Variants in TTI1 observed in about 807,000 individuals in gnomAD.
TTI1 encodes TELO2 interacting protein 1.
In TTI1, 52 loss-of-function variants were observed where a neutral mutation model predicts 85.4. The observed-to-expected ratio is 0.61, with a 90% CI of 0.49 to 0.77. The LOEUF (loss-of-function observed/expected upper bound fraction) is 0.77. Ranked by LOEUF, TTI1 falls within the 30% of genes least tolerant of loss-of-function variation. The pLI, the probability that TTI1 is intolerant of heterozygous loss-of-function variation, is 0.00. For missense variants in TTI1, 1,173 were observed against 1,296.0 expected, an observed-to-expected ratio of 0.91 and a Z score of 1.46; for synonymous variants, 512 against 503.9, an observed-to-expected ratio of 1.02 and a Z score of -0.22.
At chr20:38,033,020 G>A (rs146867188) in intron 1 of TTI1, among the ~76,000 whole-genome samples, 212 of 152,308 alleles carry the variant, frequency 1.4e-3, no homozygotes, top group Non-Finnish European at 2.6e-3. Flanking sequence ...TAAGAGCCGA[G>A]AGCCCAAATG....
chr20:38,013,234 C>A lies in TTI1; in HGVS notation c.583G>T (p.Asp195Tyr), dbSNP rs1197216516. ...CDCQDHPRSL[D>Y]ELEQKQLGDL... ...CCCAGCTGCTTTTGTTCAAGTTCATCCAATGACCTTGGATGGTCCTGACAA... is the reference window on the plus strand; with the variant it reads ...CCCAGCTGCTTTTGTTCAAGTTCATACAATGACCTTGGATGGTCCTGACAA... Residue 195 changes from aspartate to tyrosine, a missense_variant, in exon 2 of 8, where the codon GAT (aspartate) becomes TAT (tyrosine). Transcript: ENST00000373447. 2 of 1,613,944 alleles carry A rather than the reference C, an allele frequency of 1.2e-6. No homozygotes were observed. Among genetic ancestry groups the A allele is most frequent in the African/African-American group, 2.7e-5 (2 of 74,924 alleles).
At chr20:38,014,399 T>C (rs2073651022) in intron 1 of TTI1, among the ~76,000 whole-genome samples, 1 of 152,224 alleles carries the variant, frequency 6.6e-6, no homozygotes, top group Non-Finnish European at 1.5e-5. Context: ...TTGCAATTGA[T>C]TCCTATTTCA....
intron 1 of TTI1, among the ~76,000 whole-genome samples, chr20:38,028,884 T>G (rs896787186): frequency 2.0e-5 from 3 of 152,180 alleles, no homozygotes; most frequent in Non-Finnish European, 4.4e-5. Flanking sequence ...AATTTTTGTA[T>G]TTTTTAAAGA....
At chr20:37,991,311 T>C (rs891606413) in intron 7 of TTI1, among the ~76,000 whole-genome samples, 1 of 152,210 alleles carries the variant, frequency 6.6e-6, no homozygotes, top group African/African-American at 2.4e-5. Context: ...TTTAAGGGGA[T>C]GAGCTACTAA....
At chr20:38,006,010 G>T in intron 3 of TTI1, 187 bp downstream of exon 3, 1 of 695,822 alleles carries the variant, frequency 1.4e-6, no homozygotes, top group Non-Finnish European at 2.3e-6. Context: ...CTGCAACCAC[G>T]GAAAAACAGT....
Position 37,999,234 on chromosome 20 carries a change from T to C in TTI1, c.2747A>G (p.His916Arg), listed in dbSNP as rs552316169. The part of the protein sequence containing the change: ...LAHQAWPSLV[H>R]RLTRDAPLAV... ...CAGGGGGGCGTCCCGTGTGAGTCGG[T>C]GAACGAGCGAGGGCCAGGCCTGATG... The change falls in exon 5 of 8, where the codon CAC becomes CGC. Residue 916 changes from histidine (H) to arginine (R), a missense_variant. Coordinates refer to ENST00000373447, the MANE Select transcript of TTI1 (RefSeq NM_001303457.2). The C allele has an allele frequency of 8.1e-5, 123 of 1,520,066 alleles. 5 individuals carry two copies. The South Asian group carries it at 1.5e-3, about 18-fold the overall frequency. The allele number at this position is 1,520,066 out of a possible 1,614,324, so 94.2% of individuals were successfully genotyped here. A position where few individuals can be genotyped will look rare whatever the true frequency, so the allele number is the denominator to read the frequency against.
intron 3 of TTI1, among the ~76,000 whole-genome samples, chr20:38,004,762 C>T (rs1018172063): frequency 3.3e-5 from 5 of 152,182 alleles, no homozygotes; most frequent in African/African-American, 1.2e-4. Flanking sequence ...TCAACTAACA[C>T]CAGAAGATCC....
chr20:38,006,869 A>T (rs1283978434), intron 2 of TTI1, among the ~76,000 whole-genome samples: 1 of 152,210 alleles, frequency 6.6e-6, no homozygotes, highest in East Asian at 1.9e-4. Context: ...ATCAGACTCT[A>T]TGTTCCATTG....
At chr20:38,003,752 C>CAAA (rs61171915) in intron 3 of TTI1, among the ~76,000 whole-genome samples, 28 of 118,836 alleles carry the variant, frequency 2.4e-4, no homozygotes, top group African/African-American at 8.9e-4. Flanking sequence ...AACTCTGTCT[C>CAAA]AAAAAAAAAA....
chr20:38,001,430 C>T (rs955632022), intron 4 of TTI1, among the ~76,000 whole-genome samples: 32 of 152,158 alleles, frequency 2.1e-4, no homozygotes, highest in African/African-American at 7.5e-4. Flanking sequence ...ATGTATACAG[C>T]TGCTACAAAT....
At chr20:37,997,385 G>A (rs1181735829) in intron 5 of TTI1, among the ~76,000 whole-genome samples, 3 of 152,174 alleles carry the variant, frequency 2.0e-5, no homozygotes, top group African/African-American at 7.2e-5. Context: ...TGGTCCAGCT[G>A]CTGCCACATG....
intron 1 of TTI1, among the ~76,000 whole-genome samples, chr20:38,020,323 A>AAAAAAAAAATATATATATATAT: frequency 6.0e-5 from 3 of 50,386 alleles, no homozygotes; most frequent in African/African-American, 1.8e-4. Context: ...AAAAAAAAAA[A>AAAAAAAAAATATATATATATAT]ATATATATAT....
At position 37,983,227 on chromosome 20, in the gene TTI1, CCAGA is replaced by C; in HGVS notation, c.*225_*228del. ...CTAAGGGGTTAAACCCTTAGAGCCA[CCAGA>C]CAATGTCACTTGACAACACAAGGTA... On this transcript the variant is annotated 3_prime_UTR_variant, in exon 8 of 8. Transcript: ENST00000373447. 2.1e-6 allele frequency: 1 copy of C among 484,284 alleles called. No individual in the cohort carries two copies. Among genetic ancestry groups the C allele is most frequent in the East Asian group, 4.3e-5 (1 of 23,338 alleles). The allele number at this position is 484,284 out of a possible 1,614,324, so 30.0% of individuals were successfully genotyped here.
At chr20:37,991,133 C>T (rs1023540482) in intron 7 of TTI1, among the ~76,000 whole-genome samples, 2 of 152,152 alleles carry the variant, frequency 1.3e-5, no homozygotes, top group Non-Finnish European at 2.9e-5. Flanking sequence ...ACCAGCAATG[C>T]CTGTCAAAAG....
At chr20:37,992,879 C>T (rs186646920) in intron 7 of TTI1, among the ~76,000 whole-genome samples, 130 of 152,208 alleles carry the variant, frequency 8.5e-4, no homozygotes, top group Middle Eastern at 3.4e-3. Context: ...CAGGGCATGC[C>T]GGGAGACATC....
intron 1 of TTI1, among the ~76,000 whole-genome samples, chr20:38,031,209 C>G (rs2122663731): frequency 6.6e-6 from 1 of 152,358 alleles, no homozygotes; most frequent in Non-Finnish European, 1.5e-5. Flanking sequence ...AATGCTCCTT[C>G]TTTGTGCAAA....
At chr20:37,996,287 C>G in intron 7 of TTI1, 88 bp downstream of exon 7, 1 of 1,365,870 alleles carries the variant, frequency 7.3e-7, no homozygotes, top group Non-Finnish European at 1.0e-6. Flanking sequence ...GAGAAAAGAG[C>G]AGAGATGCCT....
intron 7 of TTI1, among the ~76,000 whole-genome samples, chr20:37,994,181 T>C (rs1405998681): frequency 6.6e-6 from 1 of 152,174 alleles, no homozygotes; most frequent in Admixed American, 6.5e-5. Flanking sequence ...TCACCTAGGC[T>C]GGAGTACAGT....
intron 1 of TTI1, among the ~76,000 whole-genome samples, chr20:38,015,627 C>T (rs1261207395): frequency 2.0e-5 from 3 of 151,962 alleles, no homozygotes; most frequent in South Asian, 2.1e-4. Flanking sequence ...GAAAAAGAGG[C>T]AGATAAGAAT....
Sources: gnomAD v4.1 joint callset for allele counts (sites outside exome capture counted in the v4.1 genomes callset) on GRCh38, gnomAD v4.1.1 for gene constraint, MANE v1.5 for transcripts, NCBI Gene and HGNC (gene_info 2026-07-23, HGNC 2026-07-21) for gene names.